LARGE1: variants seen among roughly 807,000 people sequenced by gnomAD.
LARGE1 encodes the protein xylosyl- and glucuronyltransferase LARGE1.
A neutral mutation model predicts 87.6 loss-of-function variants in LARGE1; 43 were observed. That is an observed-to-expected ratio of 0.49 (90% CI 0.38 to 0.63). The LOEUF (loss-of-function observed/expected upper bound fraction) is 0.63, where lower values mean the gene tolerates loss of function less well. LARGE1 is among the 30% of genes least tolerant of loss of function. The pLI is 0.00. For missense variants in LARGE1, 802 were observed against 1,000.2 expected, an observed-to-expected ratio of 0.80 and a Z score of 2.67; for synonymous variants, 434 against 394.6, an observed-to-expected ratio of 1.10 and a Z score of -1.18.
At chr22:33,690,591 G>A (rs569952055) in intron 2 of LARGE1, among the ~76,000 whole-genome samples, 1 of 151,948 alleles carries the variant, frequency 6.6e-6, no homozygotes, top group East Asian at 1.9e-4. Flanking sequence ...GGAAAACAGG[G>A]AAGAAAAGAA....
downstream of LARGE1, among the ~76,000 whole-genome samples, chr22:33,267,581 C>T (rs1191809898): frequency 4.0e-5 from 6 of 151,382 alleles, 1 homozygote; most frequent in African/African-American, 1.2e-4. Context: ...TCCTGGGATT[C>T]GGGGGTCTGA....
At chr22:33,484,143 A>G (rs564431134) in intron 6 of LARGE1, among the ~76,000 whole-genome samples, 1 of 152,142 alleles carries the variant, frequency 6.6e-6, no homozygotes, top group Non-Finnish European at 1.5e-5. Context: ...CTTGGGGAAG[A>G]GTTTGATGTT....
chr22:33,325,337 G>A (rs1937146475), intron 10 of LARGE1, among the ~76,000 whole-genome samples: 1 of 152,244 alleles, frequency 6.6e-6, no homozygotes. Context: ...TACAGCTCTG[G>A]CCACTGGAGT....
Position 33,865,983 on chromosome 22 carries a change from G to A in LARGE1, c.-83+54012C>T, listed in dbSNP as rs149206739. 1.1e-3 allele frequency among the ~76,000 whole-genome samples: 167 copies of A among 150,920 alleles called. 2 individuals carry two copies. The highest frequency in any genetic ancestry group is 4.0e-3 in the African/African-American group (164 of 41,090). On this transcript the variant is annotated intron_variant, in intron 1 of 14. Coordinates refer to ENST00000397394, the MANE Select transcript of LARGE1 (RefSeq NM_133642.5). ...CCCATCTCAGCCTCCCAAGTAGCTGGGACTACAGATGCACACCACCATGCC... is the reference window on the plus strand; with the variant it reads ...CCCATCTCAGCCTCCCAAGTAGCTGAGACTACAGATGCACACCACCATGCC...
At chr22:33,857,919 C>T (rs1008589501) in intron 1 of LARGE1, among the ~76,000 whole-genome samples, 1 of 152,088 alleles carries the variant, frequency 6.6e-6, no homozygotes, top group South Asian at 2.1e-4. Flanking sequence ...AAGTTGGAAC[C>T]GGGAGTTCCA....
At chr22:33,843,467 A>ATAAC (rs1238116759) in intron 1 of LARGE1, among the ~76,000 whole-genome samples, 1 of 151,692 alleles carries the variant, frequency 6.6e-6, no homozygotes, top group East Asian at 1.9e-4. Flanking sequence ...AAATAAATAA[A>ATAAC]TAAAAATAAA....
chr22:33,720,420 T>C lies in LARGE1; in HGVS notation c.106+40951A>G, dbSNP rs145980286. 2.0e-3 allele frequency among the ~76,000 whole-genome samples: 301 copies of C among 152,228 alleles called. 6 individuals are homozygous for C. In the East Asian group the frequency reaches 0.042, roughly 21 times the overall value. ...TCCTGCTGTGTGGCCATGTTCCTAATAGGCCACGGACTGGTACCAGGGGCT... is the reference window on the plus strand; with the variant it reads ...TCCTGCTGTGTGGCCATGTTCCTAACAGGCCACGGACTGGTACCAGGGGCT... On this transcript the variant is annotated intron_variant, in intron 2 of 14. Coordinates refer to ENST00000397394, the MANE Select transcript of LARGE1 (RefSeq NM_133642.5).
chr22:33,564,699 G>C (rs1296176188), intron 6 of LARGE1, 149 bp downstream of exon 6: 1 of 744,946 alleles, frequency 1.3e-6, no homozygotes, highest in Non-Finnish European at 2.3e-6. Flanking sequence ...AAGCAGAGTT[G>C]ATATTGAACC....
At chr22:33,067,543 C>G in the LARGE1 span, among the ~76,000 whole-genome samples, 1 of 152,098 alleles carries the variant, frequency 6.6e-6, no homozygotes, top group African/African-American at 2.4e-5. Flanking sequence ...GATATTAATA[C>G]CTCCATTTTA....
chr22:33,144,958 T>C, the LARGE1 span, among the ~76,000 whole-genome samples: 1 of 152,008 alleles, frequency 6.6e-6, no homozygotes, highest in East Asian at 1.9e-4. Flanking sequence ...CAGAATAGTT[T>C]TCAAGCAGAA....
chr22:33,546,632 G>T (rs4821163), intron 6 of LARGE1, among the ~76,000 whole-genome samples: 64,016 of 151,874 alleles, frequency 0.42, 13,912 homozygotes, highest in Admixed American at 0.49. Flanking sequence ...TCACCCAGGC[G>T]GGAGTGCAAT....
intron 6 of LARGE1, among the ~76,000 whole-genome samples, chr22:33,460,720 G>A (rs1240192876): frequency 6.6e-6 from 1 of 152,152 alleles, no homozygotes; most frequent in Non-Finnish European, 1.5e-5. Context: ...GAGATGAAGA[G>A]CAGGATTACA....
the LARGE1 span, among the ~76,000 whole-genome samples, chr22:33,070,457 G>A: frequency 4.6e-5 from 7 of 152,082 alleles, no homozygotes; most frequent in Admixed American, 2.0e-4. Context: ...TGCTACTGGC[G>A]TCTAGTGGGT....
At chr22:33,444,369 C>T (rs977480988) in intron 6 of LARGE1, among the ~76,000 whole-genome samples, 7 of 152,160 alleles carry the variant, frequency 4.6e-5, no homozygotes, top group Non-Finnish European at 8.8e-5. Context: ...GTAGTTACTG[C>T]TTAATTTTTT....
intron 1 of LARGE1, among the ~76,000 whole-genome samples, chr22:33,907,325 T>C (rs1450772223): frequency 6.6e-6 from 1 of 152,174 alleles, no homozygotes; most frequent in South Asian, 2.1e-4. Context: ...CATAAACATG[T>C]GGTTATGTGG....
chr22:33,765,836 ATACT>A (rs1252933453), intron 1 of LARGE1, among the ~76,000 whole-genome samples: 2 of 152,206 alleles, frequency 1.3e-5, no homozygotes, highest in East Asian at 1.9e-4. Context: ...CTTTAATAAG[ATACT>A]TACTTTCCTC....
At chr22:33,128,688 A>C in the LARGE1 span, among the ~76,000 whole-genome samples, 25 of 145,212 alleles carry the variant, frequency 1.7e-4, no homozygotes, top group African/African-American at 6.1e-4. Context: ...AACAAAAAAA[A>C]AAAAAAAAAG....
At chr22:33,740,338 T>C (rs1166098694) in intron 2 of LARGE1, among the ~76,000 whole-genome samples, 2 of 152,194 alleles carry the variant, frequency 1.3e-5, no homozygotes, top group Non-Finnish European at 2.9e-5. Context: ...ATGGCAATAG[T>C]GAGTCCTTCC....
intron 4 of LARGE1, among the ~76,000 whole-genome samples, chr22:33,623,808 A>C (rs755452352): frequency 2.6e-5 from 4 of 151,946 alleles, no homozygotes; most frequent in Non-Finnish European, 4.4e-5. Context: ...AGGTGGGTGG[A>C]TCACCTGAGG....
Sources: allele counts gnomAD v4.1 joint callset (sites outside exome capture counted in the v4.1 genomes callset), GRCh38; gene constraint gnomAD v4.1.1; transcripts MANE v1.5; gene names NCBI Gene and HGNC (gene_info 2026-07-23, HGNC 2026-07-21).